The following SLC9C1 variants were observed in gnomAD, a reference collection of about 807,000 sequenced individuals.
SLC9C1 encodes the protein sodium/hydrogen exchanger 10.
In SLC9C1, 97 loss-of-function variants were observed where a neutral mutation model predicts 140.9. The ratio of observed to expected loss-of-function variants is 0.69; its 90% CI spans 0.58 to 0.82. SLC9C1 has a LOEUF of 0.82. Among genes scored for constraint, SLC9C1 ranks in the 40% least tolerant of loss-of-function variants. The pLI is 0.00. For synonymous variants in SLC9C1, 440 were observed against 442.6 expected, an observed-to-expected ratio of 0.99 and a Z score of 0.07; for missense variants, 1,340 against 1,389.3, an observed-to-expected ratio of 0.96 and a Z score of 0.56.
intron 20 of SLC9C1, chr3:112,185,347 AAAT>A (rs1251217565): frequency 2.9e-4 from 191 of 658,598 alleles, no homozygotes; most frequent in Non-Finnish European, 6.6e-5. Flanking sequence ...TGTAAAAAAA[AAAT>A]AATAAAAGGT....
At chr3:112,180,354 T>A (rs1289652826) in intron 22 of SLC9C1, among the ~76,000 whole-genome samples, 1 of 152,110 alleles carries the variant, frequency 6.6e-6, no homozygotes, top group Non-Finnish European at 1.5e-5. Flanking sequence ...AAACCCCGTT[T>A]CCACTAAAAA....
chr3:112,225,548 A>AT (rs532598364), intron 13 of SLC9C1, among the ~76,000 whole-genome samples: 779 of 66,886 alleles, frequency 0.012, 9 homozygotes, highest in African/African-American at 0.033. Context: ...AACCAAAAAA[A>AT]AAAACACATG....
At chr3:112,230,710 A>T (rs965268818) in intron 13 of SLC9C1, among the ~76,000 whole-genome samples, 1 of 152,136 alleles carries the variant, frequency 6.6e-6, no homozygotes, top group Non-Finnish European at 1.5e-5. Context: ...ACAGCTTCAC[A>T]GGCAGTGAGG....
intron 23 of SLC9C1, among the ~76,000 whole-genome samples, chr3:112,170,167 C>T (rs1018641329): frequency 6.6e-6 from 1 of 152,150 alleles, no homozygotes; most frequent in Non-Finnish European, 1.5e-5. Context: ...TAAATAGCTT[C>T]TGTACCACAA....
chr3:112,151,368 G>T (rs1183201008), intron 28 of SLC9C1: 1 of 518,948 alleles, frequency 1.9e-6, no homozygotes, highest in Non-Finnish European at 3.8e-6. Context: ...TCTTTACAAA[G>T]ACTTTGCTCA....
At chr3:112,235,959 G>T (rs2078973298) in intron 12 of SLC9C1, among the ~76,000 whole-genome samples, 1 of 152,116 alleles carries the variant, frequency 6.6e-6, no homozygotes, top group African/African-American at 2.4e-5. Flanking sequence ...GCCAGGCTTT[G>T]GTATCAGGAT....
At chr3:112,233,611 C>T (rs188803133) in intron 12 of SLC9C1, among the ~76,000 whole-genome samples, 2 of 150,948 alleles carry the variant, frequency 1.3e-5, no homozygotes, top group African/African-American at 4.9e-5. Context: ...AGGTATCTCT[C>T]GTAATGCTAT....
intron 22 of SLC9C1, among the ~76,000 whole-genome samples, chr3:112,179,918 CTTAG>C (rs1190701245): frequency 6.6e-6 from 1 of 152,196 alleles, no homozygotes; most frequent in African/African-American, 2.4e-5. Flanking sequence ...ATTCCTCCTA[CTTAG>C]TTAATCTATA....
intron 20 of SLC9C1, chr3:112,185,455 G>T (rs1163214984): frequency 6.3e-7 from 1 of 1,589,096 alleles, no homozygotes; most frequent in Non-Finnish European, 8.6e-7. Flanking sequence ...CTATGAAACA[G>T]TTTTTTCCAG....
At chr3:112,188,636 T>G (rs2077586883) in intron 20 of SLC9C1, among the ~76,000 whole-genome samples, 1 of 152,218 alleles carries the variant, frequency 6.6e-6, no homozygotes, top group Non-Finnish European at 1.5e-5. Flanking sequence ...AGTCTATAAT[T>G]GATGGACATT....
rs2077158443 is a variant in SLC9C1 at position 112,167,332 on chromosome 3, C to A, written c.3253G>T (p.Asp1085Tyr). The A allele has an allele frequency of 6.3e-7, 1 of 1,595,710 alleles. No homozygotes were observed. Residue 1085 changes from aspartate (D) to tyrosine (Y), a missense_variant, in exon 26 of 29, where the codon GAT becomes TAT. Physicochemically the swap from Asp to Tyr is radical, Grantham distance 160. Transcript: ENST00000305815. ...TGAATAATCACTACTTTTGTGAAAT[C>A]TTCAATACTTTGTATCTGAAAGTTG... ...ITCHQIQSIE[D>Y]FTKVVIIQTP... is the part of the protein sequence containing the mutation.
chr3:112,148,014 G>T lies in SLC9C1; in HGVS notation c.3524+3843C>A, dbSNP rs140227840. 2.8e-3 allele frequency among the ~76,000 whole-genome samples: 419 copies of T among 152,168 alleles called. 2 individuals carry two copies. Among genetic ancestry groups the T allele is most frequent in the Non-Finnish European group, 4.2e-3 (286 of 67,994 alleles). On this transcript the variant is annotated intron_variant, in intron 28 of 28. Transcript: ENST00000305815. ...CAGACAGGGTTAGTTCAAAAGAGTGGTCTTCAAGCTCTGAAATTCATTTTT... is the reference window on the plus strand; with the variant it reads ...CAGACAGGGTTAGTTCAAAAGAGTGTTCTTCAAGCTCTGAAATTCATTTTT...
In SLC9C1 at chr3:112,165,023, G is replaced by A. The variant is rs548855398; in HGVS notation, c.3364+2198C>T. ...TCTTCTCACTTCATTTCATTCATTTGATCTTCCATCACTGATATCCTTTCT... is the reference window on the plus strand; with the variant it reads ...TCTTCTCACTTCATTTCATTCATTTAATCTTCCATCACTGATATCCTTTCT... On this transcript the variant is annotated intron_variant, in intron 26 of 28. Transcript: ENST00000305815. Among the ~76,000 whole-genome samples the A allele has an allele frequency of 1.2e-4, 17 of 144,528 alleles. No individual in the cohort carries two copies. The South Asian group carries it at 3.8e-3, about 32-fold the overall frequency. 94.8% of individuals were successfully genotyped at this position (144,528 alleles called of 152,430 possible).
At chr3:112,217,175 G>A (rs1357169524) in intron 15 of SLC9C1, among the ~76,000 whole-genome samples, 1 of 152,018 alleles carries the variant, frequency 6.6e-6, no homozygotes, top group African/African-American at 2.4e-5. Flanking sequence ...TGGACACATG[G>A]TGGGGAACAT....
At chr3:112,213,341 A>G (rs1045754081) in intron 15 of SLC9C1, among the ~76,000 whole-genome samples, 2 of 152,224 alleles carry the variant, frequency 1.3e-5, no homozygotes, top group African/African-American at 4.8e-5. Context: ...GACAGGATCA[A>G]ATCCACACAT....
At chr3:112,257,519 C>A (rs759629056) in intron 10 of SLC9C1, among the ~76,000 whole-genome samples, 1 of 151,978 alleles carries the variant, frequency 6.6e-6, no homozygotes, top group African/African-American at 2.4e-5. Flanking sequence ...GAAACTGGAC[C>A]CCTTCGTTAC....
rs1280608244 is a variant in SLC9C1, at chr3:112,274,172, T to C, written c.613+725A>G. Among the ~76,000 whole-genome samples, 4 of 152,096 alleles carry C rather than the reference T, an allele frequency of 2.6e-5. No individual in the cohort carries two copies. In the East Asian group the frequency reaches 7.7e-4, roughly 29 times the overall value. On this transcript the variant is annotated intron_variant, in intron 6 of 28. Coordinates refer to ENST00000305815, the MANE Select transcript of SLC9C1 (RefSeq NM_183061.3). ...GACTAAACATTGAAAATGACTTTTC[T>C]AGGAGGAAGATACAGGGTTTTGACC...
intron 20 of SLC9C1, chr3:112,186,088 A>C (rs2077534284): frequency 1.0e-6 from 1 of 971,896 alleles, no homozygotes; most frequent in Non-Finnish European, 1.5e-6. Context: ...TTAAAAAATG[A>C]ACTTTCTGTC....
chr3:112,267,845 C>T (rs2079966863), intron 7 of SLC9C1, among the ~76,000 whole-genome samples: 1 of 152,036 alleles, frequency 6.6e-6, no homozygotes, highest in African/African-American at 2.4e-5. Flanking sequence ...TTGAAACAAT[C>T]AAGCCCTGGA....
Sources: gnomAD v4.1 joint callset for allele counts (sites outside exome capture counted in the v4.1 genomes callset) on GRCh38, gnomAD v4.1.1 for gene constraint, MANE v1.5 for transcripts, NCBI Gene and HGNC (gene_info 2026-07-23, HGNC 2026-07-21) for gene names.